TENM2: variants seen among roughly 807,000 people sequenced by gnomAD.
The protein encoded by TENM2 is teneurin transmembrane protein 2, also known as teneurin-2.
TENM2 carries 52 observed loss-of-function variants against 245.2 expected under a neutral mutation model. The ratio of observed to expected loss-of-function variants is 0.21; its 90% CI spans 0.17 to 0.27. TENM2 has a LOEUF of 0.27. TENM2 is among the 10% of genes least tolerant of loss of function. TENM2 has a pLI of 1.00. For missense variants in TENM2, 3,046 were observed against 3,666.8 expected (o/e 0.83, Z 4.37); for synonymous variants, 1,363 against 1,438.9 (o/e 0.95, Z 1.19).
At chr5:168,205,790 G>A (rs1421772908) in intron 19 of TENM2, among the ~76,000 whole-genome samples, 1 of 152,130 alleles carries the variant, frequency 6.6e-6, no homozygotes, top group Non-Finnish European at 1.5e-5. Flanking sequence ...AACAAGCAAT[G>A]GAGGTTGAAG....
chr5:167,746,720 A>G (rs929286564), intron 2 of TENM2, among the ~76,000 whole-genome samples: 9 of 147,092 alleles, frequency 6.1e-5, no homozygotes, highest in Non-Finnish European at 1.0e-4. Context: ...AGAGAGCTGG[A>G]CTCTACACAA....
chr5:167,638,863 C>T (rs1335051060), intron 2 of TENM2, among the ~76,000 whole-genome samples: 1 of 152,226 alleles, frequency 6.6e-6, no homozygotes, highest in East Asian at 1.9e-4. Context: ...TCTGTAGTTA[C>T]TCTAAGTAAT....
chr5:168,062,250 A>G, exon 7 of TENM2: 1 of 1,613,774 alleles, frequency 6.2e-7, no homozygotes, highest in Non-Finnish European at 8.5e-7. Flanking sequence ...GAGGACTTCC[A>G]CCATCTCATG....
At chr5:168,132,810 C>A (rs774890722) in intron 12 of TENM2, among the ~76,000 whole-genome samples, 1 of 152,178 alleles carries the variant, frequency 6.6e-6, no homozygotes, top group South Asian at 2.1e-4. Flanking sequence ...AGAGAATCCA[C>A]GTGCCTTCCA....
Position 168,240,244 on chromosome 5 carries a change from C to T in TENM2, c.5521-4176C>T, listed in dbSNP as rs529982294. On this transcript the variant is annotated intron_variant, in intron 25 of 28. Transcript: ENST00000518659. ...CAAACAAATAAAAATCAACAAGACCCAAACCCCTATTCCCTGAGGAGCTGA... is the reference window on the plus strand; with the variant it reads ...CAAACAAATAAAAATCAACAAGACCTAAACCCCTATTCCCTGAGGAGCTGA... Among the ~76,000 whole-genome samples, 531 of 152,190 alleles carry T rather than the reference C, an allele frequency of 3.5e-3. 6 individuals carry two copies. The highest frequency in any genetic ancestry group is 0.012 in the African/African-American group (509 of 41,530).
chr5:167,050,443 C>T, the TENM2 span, among the ~76,000 whole-genome samples: 8 of 152,114 alleles, frequency 5.3e-5, no homozygotes, highest in African/African-American at 1.7e-4. Flanking sequence ...TGAAGCTGAT[C>T]CCTGGTGCCA....
intron 1 of TENM2, among the ~76,000 whole-genome samples, chr5:167,299,453 G>A (rs1406774069): frequency 1.3e-5 from 2 of 152,156 alleles, no homozygotes; most frequent in African/African-American, 4.8e-5. Context: ...TCCTGGGTGG[G>A]GGCAAATCCT....
the TENM2 span, among the ~76,000 whole-genome samples, chr5:167,036,244 G>A: frequency 2.0e-5 from 3 of 152,134 alleles, no homozygotes; most frequent in Admixed American, 1.3e-4. Context: ...GCCCTGAGAC[G>A]GGGTCCAGCT....
At chr5:167,707,013 TAAAAAAAA>T (rs34373602) in intron 2 of TENM2, among the ~76,000 whole-genome samples, 1 of 70,064 alleles carries the variant, frequency 1.4e-5, no homozygotes, top group Non-Finnish European at 2.7e-5. Context: ...AGACTCCGCC[TAAAAAAAA>T]AAAAAAAAAA....
chr5:167,435,965 CTTT>C (rs1284748347), intron 2 of TENM2, among the ~76,000 whole-genome samples: 1 of 125,964 alleles, frequency 7.9e-6, no homozygotes. Flanking sequence ...ATTTCTTTTT[CTTT>C]TTTTTTCTTT....
intron 2 of TENM2, among the ~76,000 whole-genome samples, chr5:167,543,955 T>C (rs1772386403): frequency 6.6e-6 from 1 of 152,212 alleles, no homozygotes; most frequent in Non-Finnish European, 1.5e-5. Context: ...CCTTGTCTTA[T>C]TGAACTAACT....
At chr5:168,211,334 A>G (rs1348382036) in intron 19 of TENM2, among the ~76,000 whole-genome samples, 1 of 152,194 alleles carries the variant, frequency 6.6e-6, no homozygotes, top group African/African-American at 2.4e-5. Flanking sequence ...TACTCTTTAT[A>G]CCTGATATTA....
At chr5:167,511,786 A>G (rs571552793) in intron 2 of TENM2, among the ~76,000 whole-genome samples, 2 of 152,230 alleles carry the variant, frequency 1.3e-5, no homozygotes, top group Admixed American at 6.5e-5. Context: ...GAGTGATGGT[A>G]TGCTTGCCAT....
chr5:167,179,259 C>T, the TENM2 span, among the ~76,000 whole-genome samples: 1 of 152,010 alleles, frequency 6.6e-6, no homozygotes, highest in Non-Finnish European at 1.5e-5. Flanking sequence ...TTGTTTGTTA[C>T]GATGCAGAAT....
intron 2 of TENM2, among the ~76,000 whole-genome samples, chr5:167,688,411 G>A (rs570333496): frequency 1.3e-5 from 2 of 152,034 alleles, no homozygotes; most frequent in East Asian, 3.9e-4. Context: ...CCTATTGTTG[G>A]GCATGTAGAC....
At chr5:167,836,009 C>A (rs978986285) in intron 2 of TENM2, among the ~76,000 whole-genome samples, 1 of 152,088 alleles carries the variant, frequency 6.6e-6, no homozygotes, top group African/African-American at 2.4e-5. Context: ...TTTGAACCAG[C>A]CTGCACTACA....
chr5:167,706,317 G>A (rs1758520361), intron 2 of TENM2, among the ~76,000 whole-genome samples: 1 of 145,032 alleles, frequency 6.9e-6, no homozygotes, highest in African/African-American at 2.5e-5. Flanking sequence ...GTATATATAA[G>A]AAAATATATA....
chr5:168,085,133 A>T (rs1363827333), intron 7 of TENM2, among the ~76,000 whole-genome samples: 1 of 152,228 alleles, frequency 6.6e-6, no homozygotes, highest in Non-Finnish European at 1.5e-5. Flanking sequence ...CTGAGATGAG[A>T]CTAGGGTTTT....
intron 25 of TENM2, among the ~76,000 whole-genome samples, chr5:168,242,551 T>C (rs557093716): frequency 6.7e-6 from 1 of 149,916 alleles, no homozygotes; most frequent in African/African-American, 2.5e-5. Flanking sequence ...TGTTTGAAGC[T>C]TTTTTTATCA....
Sources: allele counts gnomAD v4.1 joint callset (sites outside exome capture counted in the v4.1 genomes callset), GRCh38; gene constraint gnomAD v4.1.1; transcripts MANE v1.5; gene names NCBI Gene and HGNC (gene_info 2026-07-23, HGNC 2026-07-21).